PKD1: variants seen among roughly 807,000 people sequenced by gnomAD.
PKD1 encodes polycystin 1, transient receptor potential channel interacting, also known as polycystin-1.
In PKD1, 81 loss-of-function variants were observed where a neutral mutation model predicts 361.7. That is an observed-to-expected ratio of 0.22 (90% CI 0.19 to 0.27). The LOEUF is 0.27. PKD1 is among the 10% of genes least tolerant of loss of function. The pLI, the probability that PKD1 is intolerant of heterozygous loss-of-function variation, is 1.00. For synonymous variants in PKD1, 3,615 were observed against 2,818.3 expected, an observed-to-expected ratio of 1.28 and a Z score of -8.95; for missense variants, 6,399 against 6,118.3, an observed-to-expected ratio of 1.05 and a Z score of -1.53.
At chr16:2,105,235 C>G in intron 21 of PKD1, 87 bp downstream of exon 21, 8 of 1,362,602 alleles carry the variant, frequency 5.9e-6, no homozygotes, top group Non-Finnish European at 8.1e-6. Flanking sequence ...CTCAGCTCCT[C>G]GGCCAAGCTG....
At chr16:2,114,029 C>G in intron 11 of PKD1, 141 bp downstream of exon 11, 1 of 738,710 alleles carries the variant, frequency 1.4e-6, no homozygotes, top group Non-Finnish European at 2.2e-6. Flanking sequence ...GAGGAGCCAG[C>G]CAGCAGGACC....
At chr16:2,097,063 A>AACCCC in intron 34 of PKD1, 85 bp downstream of exon 34, 13 of 780,494 alleles carry the variant, frequency 1.7e-5, no homozygotes, top group Non-Finnish European at 2.1e-5. Flanking sequence ...ACCCCACCCT[A>AACCCC]CCCCAGGCGG....
At position 2,092,111 on chromosome 16, in the gene PKD1, C is replaced by G. The variant is rs200120839; in HGVS notation, c.11347G>C (p.Val3783Leu). Reference protein sequence around the residue: ...AGGFSTSDYDVGWESPHNGSG... With the variant: ...AGGFSTSDYDLGWESPHNGSG... Reference sequence around the variant, plus strand: ...CCATTGTGAGGACTCTCCCAGCCAACGTCGTAATCGCTGGTGCTGAAGCCT... The same window carrying G: ...CCATTGTGAGGACTCTCCCAGCCAAGGTCGTAATCGCTGGTGCTGAAGCCT... Residue 3783 changes from valine (V) to leucine (L), a missense_variant, in exon 40 of 46, where the codon GTT (valine) becomes CTT (leucine). Physicochemically the swap from Val to Leu is conservative, Grantham distance 32. Transcript: ENST00000262304. The G allele has an allele frequency of 4.1e-5, 66 of 1,612,788 alleles. No individual in the cohort carries two copies. The highest frequency in any genetic ancestry group is 5.3e-5 in the Non-Finnish European group (62 of 1,180,000).
chr16:2,104,127 A>G (rs2092225495), intron 22 of PKD1, among the ~76,000 whole-genome samples: 1 of 12,430 alleles, frequency 8.0e-5, no homozygotes, highest in Non-Finnish European at 1.5e-4. Context: ...AGAGGGAGGA[A>G]AAAGGAAGGA....
At position 2,090,647 on chromosome 16, in the gene PKD1, G is replaced by T. The variant is rs375521725; in HGVS notation, c.12138+27C>A. On this transcript the variant is annotated intron_variant, in intron 44 of 45. Coordinates refer to ENST00000262304, the MANE Select transcript of PKD1 (RefSeq NM_001009944.3). ...CAGCTGAGCTGAGCTGAGCTAAGAC[G>T]CCCTCCCCGGCCGCGCAGTCACCTA... 9 of 1,610,314 alleles carry T rather than the reference G, an allele frequency of 5.6e-6. No individual in the cohort carries two copies. In the Admixed American group the frequency reaches 1.5e-4, roughly 27 times the overall value.
chr16:2,111,580 G>T lies in PKD1; in HGVS notation c.3587C>A (p.Thr1196Lys). The T allele has an allele frequency of 6.3e-7, 1 of 1,575,980 alleles. No homozygotes were observed. The highest frequency in any genetic ancestry group is 8.6e-7 in the Non-Finnish European group (1 of 1,161,854). ...CGCCTGGGCCGCCGCACCGCTCACCGTGTTGTTGACCTCCAGGCGCACGTG... is the reference window on the plus strand; with the variant it reads ...CGCCTGGGCCGCCGCACCGCTCACCTTGTTGTTGACCTCCAGGCGCACGTG... ...TYHVRLEVNN[T>K]VSGAAAQADV... Residue 1196 changes from threonine to lysine, a missense_variant, in exon 15 of 46, where the codon ACG (threonine) becomes AAG (lysine). Physicochemically the swap from Thr to Lys is moderately conservative, Grantham distance 78 (BLOSUM62 -1). Transcript: ENST00000262304.
rs752993263 is a variant in PKD1 at position 2,111,470 on chromosome 16, C to T, written c.3697G>A (p.Ala1233Thr). ...VEQGAPVVVS[A>T]AVQTGDNITW... ...ATGTTGTCGCCCGTCTGCACCGCGG[C>T]GCTGACCACCACGGGGGCGCCCTGC... The change falls in exon 15 of 46, where the codon GCC (alanine) becomes ACC (threonine). Residue 1233 changes from alanine to threonine, a missense_variant. Physicochemically the swap from Ala to Thr is moderately conservative, Grantham distance 58 (BLOSUM62 0). Transcript: ENST00000262304. 18 of 1,611,568 alleles carry T rather than the reference C, an allele frequency of 1.1e-5. No homozygotes were observed. In the East Asian group the frequency reaches 2.0e-4, roughly 18 times the overall value.
rs373918732 is a variant in PKD1, at chr16:2,089,713, G to C, written c.*14C>G. On this transcript the variant is annotated 3_prime_UTR_variant, in exon 46 of 46. Coordinates refer to ENST00000262304, the MANE Select transcript of PKD1 (RefSeq NM_001009944.3). ...CACTCCGACTCCACGGCCCACCCCC[G>C]CCAGGAAGGAGGACTAAGTGCTGCT... 5 of 1,567,602 alleles carry C rather than the reference G, an allele frequency of 3.2e-6. No individual in the cohort carries two copies. In the East Asian group the frequency reaches 1.2e-4, roughly 36 times the overall value.
At position 2,119,331 on chromosome 16, in the gene PKD1, G is replaced by A. The variant is rs958271752; in HGVS notation, c.263C>T (p.Ala88Val). 2.5e-5 allele frequency: 34 copies of A among 1,370,940 alleles called. No individual in the cohort carries two copies. The highest frequency in any genetic ancestry group is 1.2e-4 in the East Asian group (5 of 40,126). The allele number at this position is 1,370,940 out of a possible 1,614,324, so 84.9% of individuals were successfully genotyped here. A position where few individuals can be genotyped will look rare whatever the true frequency, so the allele number is the denominator to read the frequency against. ...LLRALDVGLL[A>V]NLSALAELDI... ...CAGCTCTGCCAGCGCCGAGAGGTTC[G>A]CCAGGAGCCCAACGTCCAGCGCCCG... Residue 88 changes from alanine to valine, a missense_variant, in exon 2 of 46, where the codon GCG becomes GTG. By Grantham distance (64) the Ala-to-Val change is moderately conservative. Coordinates refer to ENST00000262304, the MANE Select transcript of PKD1 (RefSeq NM_001009944.3).
rs1430327033 is a variant in PKD1, at chr16:2,117,814, G to A, written c.1178C>T (p.Ala393Val). 8.1e-6 allele frequency: 10 copies of A among 1,239,734 alleles called. No individual in the cohort carries two copies. Among genetic ancestry groups the A allele is most frequent in the Non-Finnish European group, 4.6e-6 (4 of 869,860 alleles). 76.8% of individuals were successfully genotyped at this position (1,239,734 alleles called of 1,614,324 possible). A position where few individuals can be genotyped will look rare whatever the true frequency, so the allele number is the denominator to read the frequency against. Residue 393 changes from alanine to valine, a missense_variant, in exon 5 of 46, where the codon GCC becomes GTC. By Grantham distance (64) the Ala-to-Val change is moderately conservative. Transcript: ENST00000262304. ...SGLEAAYSIV[A>V]LGEEPARAVH... The stretch of plus-strand genomic sequence containing the variant: ...ACCTCGGGCCGGCTCCTCGCCCAGG[G>A]CCACGATGCTGTAGGCGGCCTCCAG...
chr16:2,120,154 G>A, intron 1 of PKD1: 3 of 476,816 alleles, frequency 6.3e-6, no homozygotes, highest in Admixed American at 3.7e-5. Context: ...CAAGGCTACA[G>A]GGAGCTGAGA....
In PKD1 at chr16:2,125,105, T is replaced by C. The variant is rs60399636; in HGVS notation, c.216-5727A>G. 1.8e-3 allele frequency among the ~76,000 whole-genome samples: 271 copies of C among 152,384 alleles called. 6 individuals carry two copies. The East Asian group carries it at 0.048, about 27-fold the overall frequency. ...CGAGCCATGACCTCATCTGTTTCCC[T>C]CTGCGCTGTGCTCCTTTCTATTTAA... On this transcript the variant is annotated intron_variant, in intron 1 of 45. Transcript: ENST00000262304.
intron 30 of PKD1, among the ~76,000 whole-genome samples, chr16:2,098,363 C>T (rs2369097): frequency 6.6e-6 from 1 of 151,910 alleles, no homozygotes. Context: ...TGCCTGCCAC[C>T]ATGCCCAGCT....
chr16:2,092,137 C>T lies in PKD1; in HGVS notation c.11321G>A (p.Gly3774Glu), dbSNP rs1185579022. Reference sequence around the variant, plus strand: ...GTCGTAATCGCTGGTGCTGAAGCCTCCTGCGGCCGAGCACGTGTGGACCCT... The same window carrying T: ...GTCGTAATCGCTGGTGCTGAAGCCTTCTGCGGCCGAGCACGTGTGGACCCT... ...GPRVHTCSAA[G>E]GFSTSDYDVG... The change falls in exon 40 of 46, where the codon GGA (glycine) becomes GAA (glutamate). Residue 3774 changes from glycine to glutamate, a missense_variant. Coordinates refer to ENST00000262304, the MANE Select transcript of PKD1 (RefSeq NM_001009944.3). 1.2e-6 allele frequency: 2 copies of T among 1,612,628 alleles called. No homozygotes were observed. Among genetic ancestry groups the T allele is most frequent in the Non-Finnish European group, 1.7e-6 (2 of 1,179,962 alleles).
rs1290396189 is a variant in PKD1, at chr16:2,118,627, T to G, written c.529+49A>C. Reference sequence around the variant, plus strand: ...CTGCCCAGTGTCTGCAGGGCCCAGGTCCCACCTGGCTGGGAAGGACAGAGC... The same window carrying G: ...CTGCCCAGTGTCTGCAGGGCCCAGGGCCCACCTGGCTGGGAAGGACAGAGC... On this transcript the variant is annotated intron_variant, in intron 4 of 45. Transcript: ENST00000262304. The surrounding 1 kb of genome is among the most constrained non-coding windows in gnomAD (Gnocchi z 6.0). 4 of 987,532 alleles carry G rather than the reference T, an allele frequency of 4.1e-6. No homozygotes were observed. The highest frequency in any genetic ancestry group is 1.6e-5 in the African/African-American group (1 of 62,510). The allele number at this position is 987,532 out of a possible 1,614,324, so 61.2% of individuals were successfully genotyped here.
chr16:2,117,524 G>A lies in PKD1; in HGVS notation c.1350C>T (p.Pro450=), dbSNP rs553184181. The change falls in exon 6 of 46, where the codon CCC becomes CCT. Residue 450 remains proline (P), a synonymous_variant. Transcript: ENST00000262304. The part of the protein sequence containing the change: ...AGAALAMVDS[P]AVQRFLVSRV... ...GGGAGACCAGGAAGCGCTGCACGGC[G>A]GGACTGTCCACCATTGCCAGGGCGG... 79 of 1,588,140 alleles carry A rather than the reference G, an allele frequency of 5.0e-5. No individual in the cohort carries two copies. Among genetic ancestry groups the A allele is most frequent in the South Asian group, 1.8e-4 (16 of 88,212 alleles).
Position 2,119,275 on chromosome 16 carries a change from C to A in PKD1, c.287+32G>T, listed in dbSNP as rs1293480416. The A allele has an allele frequency of 2.7e-6, 3 of 1,121,630 alleles. No individual in the cohort carries two copies. In the South Asian group the frequency reaches 3.9e-5, roughly 15 times the overall value. The allele number at this position is 1,121,630 out of a possible 1,614,324, so 69.5% of individuals were successfully genotyped here. A position where few individuals can be genotyped will look rare whatever the true frequency, so the allele number is the denominator to read the frequency against. On this transcript the variant is annotated intron_variant, in intron 2 of 45. Transcript: ENST00000262304. ...TGCCGCCAGCCCACCCGGAGTGAGCCCCGCATGCTGGCACGACTGGGGGAC... is the reference window on the plus strand; with the variant it reads ...TGCCGCCAGCCCACCCGGAGTGAGCACCGCATGCTGGCACGACTGGGGGAC...
rs563687822 is a variant in PKD1 at position 2,109,439 on chromosome 16, G to T, written c.5728C>A (p.Leu1910Met). Residue 1910 changes from leucine (L) to methionine (M), a missense_variant, in exon 15 of 46, where the codon CTG becomes ATG. Physicochemically the swap from Leu to Met is conservative, Grantham distance 15. Transcript: ENST00000262304. ...GTGACAGCTGAGCCGGCAGCCAGCA[G>T]GATCTGAAAATGGACCAGCTGCCCG... The part of the protein sequence containing the change: ...APGQLVHFQI[L>M]LAAGSAVTFR... The T allele has an allele frequency of 3.1e-6, 5 of 1,605,840 alleles. No individual in the cohort carries two copies. The East Asian group carries it at 1.1e-4, about 36-fold the overall frequency.
Position 2,116,981 on chromosome 16 carries a change from G to A in PKD1, c.1458C>T (p.Ala486=). ...VEVGPAPQGE[A]FSLESCQNWL... ...AGTTCTGGCAGCTCTCCAGGCTGAA[G>A]GCCTCGCCCTGCGGCGCTGGGCCCA... Residue 486 remains alanine, a synonymous_variant, in exon 7 of 46, where the codon GCC becomes GCT. Transcript: ENST00000262304. 6.4e-7 allele frequency: 1 copy of A among 1,557,830 alleles called. No homozygotes were observed. The highest frequency in any genetic ancestry group is 8.7e-7 in the Non-Finnish European group (1 of 1,150,244).
Sources: allele counts gnomAD v4.1 joint callset (sites outside exome capture counted in the v4.1 genomes callset), GRCh38; gene constraint gnomAD v4.1.1; non-coding constraint Gnocchi (gnomAD v3.1); transcripts MANE v1.5; gene names NCBI Gene and HGNC (gene_info 2026-07-23, HGNC 2026-07-21).